The following KRTAP10-1 variants were observed in gnomAD, a reference collection of about 807,000 sequenced individuals.
KRTAP10-1 encodes the protein keratin-associated protein 10-1.
For synonymous variants in KRTAP10-1, 155 were observed against 153.3 expected (o/e 1.01, Z -0.08); for missense variants, 364 against 369.2 (o/e 0.99, Z 0.12).
chr21:44,539,610 G>C lies in KRTAP10-1; in HGVS notation c.541C>G (p.Gln181Glu). ...PACCTSSPCQ[Q>E]ACCVPVRCKP... is the part of the protein sequence containing the mutation. ...CAACGGACGGGCACGCAGCAGGCCT[G>C]CTGGCAGGGGGAGGAGGTGCAGCAA... The change falls in exon 1 of 1, where the codon CAG becomes GAG. Residue 181 changes from glutamine to glutamate, a missense_variant. Gln to Glu is a conservative substitution (Grantham distance 29, BLOSUM62 2). Coordinates refer to ENST00000400375, the MANE Select transcript of KRTAP10-1 (RefSeq NM_198691.3). 6.2e-7 allele frequency: 1 copy of C among 1,613,750 alleles called. No homozygotes were observed. Among genetic ancestry groups the C allele is most frequent in the Admixed American group, 1.7e-5 (1 of 60,000 alleles).
chr21:44,539,152 G>A lies in KRTAP10-1; in HGVS notation c.*150C>T. 1 of 1,357,436 alleles carries A rather than the reference G, an allele frequency of 7.4e-7. No homozygotes were observed. The highest frequency in any genetic ancestry group is 1.5e-5 in the South Asian group (1 of 66,828). The allele number at this position is 1,357,436 out of a possible 1,614,324, so 84.1% of individuals were successfully genotyped here. On this transcript the variant is annotated 3_prime_UTR_variant, in exon 1 of 1. Coordinates refer to ENST00000400375, the MANE Select transcript of KRTAP10-1 (RefSeq NM_198691.3). ...GGAGCTGCAAGGATGGAGGCTCCTG[G>A]GAGCAAGGAGGGGGGGTCACCTCAG...
Position 44,539,154 on chromosome 21 carries a change from AG to A in KRTAP10-1, c.*147del. 1 of 1,362,024 alleles carries A rather than the reference AG, an allele frequency of 7.3e-7. No individual in the cohort carries two copies. 84.4% of individuals were successfully genotyped at this position (1,362,024 alleles called of 1,614,324 possible). On this transcript the variant is annotated 3_prime_UTR_variant, in exon 1 of 1. Transcript: ENST00000400375. ...AGCTGCAAGGATGGAGGCTCCTGGG[AG>A]CAAGGAGGGGGGGTCACCTCAGCAC...
chr21:44,539,858 G>C lies in KRTAP10-1; in HGVS notation c.293C>G (p.Ala98Gly). ...ACCTSSPCQQ[A>G]CCVPVCCKPV... ...CTTGCAGCAGACGGGCACGCAGCAGGCCTGCTGGCAGGGGGAGGAGGTGCA... is the reference window on the plus strand; with the variant it reads ...CTTGCAGCAGACGGGCACGCAGCAGCCCTGCTGGCAGGGGGAGGAGGTGCA... Residue 98 changes from alanine (A) to glycine (G), a missense_variant, in exon 1 of 1, where the codon GCC (alanine) becomes GGC (glycine). Transcript: ENST00000400375. 6.3e-7 allele frequency: 1 copy of C among 1,578,304 alleles called. No individual in the cohort carries two copies. The highest frequency in any genetic ancestry group is 1.1e-5 in the South Asian group (1 of 87,336).
chr21:44,539,765 GGCTGGCAGCTAGACT>G lies in KRTAP10-1; in HGVS notation c.371_385del (p.Gln124_Gln128del). ...GCTGGAGGAAGAGGCACAGCAAGTT[GGCTGGCAGCTAGACT>G]GCTGGCAGCATGAAGAGGAATCCTT... On this transcript the variant is annotated inframe_deletion, in exon 1 of 1. Coordinates refer to ENST00000400375, the MANE Select transcript of KRTAP10-1 (RefSeq NM_198691.3). The G allele has an allele frequency of 1.2e-6, 2 of 1,612,570 alleles. No homozygotes were observed. The highest frequency in any genetic ancestry group is 4.5e-5 in the East Asian group (2 of 44,812).
At position 44,539,347 on chromosome 21, in the gene KRTAP10-1, G is replaced by T; in HGVS notation, c.804C>A (p.Cys268Ter). ...ACGCGGGGCGGCAGAGGAGGGACAC[G>T]CAGGAGGCCGGGCGGCAGCAGCTGG... ...CQASCCRPASCVSLLCRPACS... is the reference protein window; with the variant it reads ...CQASCCRPAS Residue 268 changes from cysteine (C) to a stop codon, truncating the protein, a stop_gained, in exon 1 of 1, where the codon TGC (cysteine) becomes TGA (stop). Coordinates refer to ENST00000400375, the MANE Select transcript of KRTAP10-1 (RefSeq NM_198691.3). LOFTEE classifies it high-confidence loss of function. 2 of 1,612,270 alleles carry T rather than the reference G, an allele frequency of 1.2e-6. No individual in the cohort carries two copies. Among genetic ancestry groups the T allele is most frequent in the Non-Finnish European group, 8.5e-7 (1 of 1,179,098 alleles).
chr21:44,539,399 CAGG>C lies in KRTAP10-1; in HGVS notation c.749_751del (p.Ser250del), dbSNP rs1569173504. Reference sequence around the variant, plus strand: ...CTGGCAGGAGGAGGCAGGGGCACAGCAGGAGGAGACAGGCATACAGCAGGCGGG... The same window carrying C: ...CTGGCAGGAGGAGGCAGGGGCACAGCAGGAGACAGGCATACAGCAGGCGGG... On this transcript the variant is annotated inframe_deletion, in exon 1 of 1. Coordinates refer to ENST00000400375, the MANE Select transcript of KRTAP10-1 (RefSeq NM_198691.3). 3.7e-6 allele frequency: 6 copies of C among 1,601,790 alleles called. No homozygotes were observed. The highest frequency in any genetic ancestry group is 5.1e-6 in the Non-Finnish European group (6 of 1,170,128).
chr21:44,539,408 A>G lies in KRTAP10-1; in HGVS notation c.743T>C (p.Val248Ala), dbSNP rs782496517. ...PVCRPACCMP[V>A]SSCCAPASSC... is the part of the protein sequence containing the mutation. The stretch of plus-strand genomic sequence containing the variant: ...GGAGGCAGGGGCACAGCAGGAGGAG[A>G]CAGGCATACAGCAGGCGGGCCGGCA... Residue 248 changes from valine to alanine, a missense_variant, in exon 1 of 1, where the codon GTC (valine) becomes GCC (alanine). Val to Ala is a moderately conservative substitution (Grantham distance 64, BLOSUM62 0). Coordinates refer to ENST00000400375, the MANE Select transcript of KRTAP10-1 (RefSeq NM_198691.3). The G allele has an allele frequency of 1.9e-6, 3 of 1,602,376 alleles. No individual in the cohort carries two copies. Among genetic ancestry groups the G allele is most frequent in the Non-Finnish European group, 2.6e-6 (3 of 1,170,198 alleles).
chr21:44,539,356 C>CG lies in KRTAP10-1; in HGVS notation c.794dup (p.Ala266GlyfsTer42). The stretch of plus-strand genomic sequence containing the variant: ...GGCAGAGGAGGGACACGCAGGAGGC[C>CG]GGGCGGCAGCAGCTGGCCTGGCAGG... On this transcript the variant is annotated frameshift_variant, in exon 1 of 1. Coordinates refer to ENST00000400375, the MANE Select transcript of KRTAP10-1 (RefSeq NM_198691.3). LOFTEE classifies it high-confidence loss of function. 2 of 1,612,552 alleles carry CG rather than the reference C, an allele frequency of 1.2e-6. No individual in the cohort carries two copies. Among genetic ancestry groups the CG allele is most frequent in the Non-Finnish European group, 1.7e-6 (2 of 1,179,410 alleles).
In KRTAP10-1 at chr21:44,539,258, GC is replaced by G. The variant is rs1601385639; in HGVS notation, c.*43del. 7 of 1,590,740 alleles carry G rather than the reference GC, an allele frequency of 4.4e-6. No homozygotes were observed. In the East Asian group the frequency reaches 8.9e-5, roughly 20 times the overall value. Reference sequence around the variant, plus strand: ...AGGAACTGAGCCCAGCTGGCCCAGGGCGGGTGCCCATCAGCAGCTGGACTCC... The same window carrying G: ...AGGAACTGAGCCCAGCTGGCCCAGGGGGGTGCCCATCAGCAGCTGGACTCC... On this transcript the variant is annotated 3_prime_UTR_variant, in exon 1 of 1. Transcript: ENST00000400375.
At position 44,539,322 on chromosome 21, in the gene KRTAP10-1, A is replaced by T. The variant is rs782677132; in HGVS notation, c.829T>A (p.Cys277Ser). The change falls in exon 1 of 1, where the codon TGC becomes AGC. Residue 277 changes from cysteine to serine, a missense_variant. Physicochemically the swap from Cys to Ser is moderately radical, Grantham distance 112. Transcript: ENST00000400375. The part of the protein sequence containing the change: ...SCVSLLCRPA[C>S]SRPAC ...AGGCCTCAGCAGGCCGGGCGGGAGCACGCGGGGCGGCAGAGGAGGGACACG... is the reference window on the plus strand; with the variant it reads ...AGGCCTCAGCAGGCCGGGCGGGAGCTCGCGGGGCGGCAGAGGAGGGACACG... 7.4e-6 allele frequency: 12 copies of T among 1,611,524 alleles called. No individual in the cohort carries two copies. Among genetic ancestry groups the T allele is most frequent in the African/African-American group, 1.3e-5 (1 of 74,894 alleles).
Position 44,540,169 on chromosome 21 carries a change from T to A in KRTAP10-1, c.-19A>T. On this transcript the variant is annotated 5_prime_UTR_variant, in exon 1 of 1. Coordinates refer to ENST00000400375, the MANE Select transcript of KRTAP10-1 (RefSeq NM_198691.3). The stretch of plus-strand genomic sequence containing the variant: ...CGGCCATGCTGGGGTGGGGAGGAGG[T>A]GAGCTGCGGGAGGTGTGAGTGAGTG... 6.2e-7 allele frequency: 1 copy of A among 1,607,224 alleles called. No homozygotes were observed. The highest frequency in any genetic ancestry group is 8.5e-7 in the Non-Finnish European group (1 of 1,176,924).
In KRTAP10-1 at chr21:44,539,088, T is replaced by C. The variant is rs587717851; in HGVS notation, c.*214A>G. On this transcript the variant is annotated 3_prime_UTR_variant, in exon 1 of 1. Coordinates refer to ENST00000400375, the MANE Select transcript of KRTAP10-1 (RefSeq NM_198691.3). ...AAGCTGGGAGGGAGGACAGGGGACCTAGCAGGCAGGTGGGCACCTGCTGGA... is the reference window on the plus strand; with the variant it reads ...AAGCTGGGAGGGAGGACAGGGGACCCAGCAGGCAGGTGGGCACCTGCTGGA... 151 of 789,514 alleles carry C rather than the reference T, an allele frequency of 1.9e-4. No individual in the cohort carries two copies. Among genetic ancestry groups the C allele is most frequent in the African/African-American group, 1.3e-3 (77 of 57,310 alleles). The allele number at this position is 789,514 out of a possible 1,614,324, so 48.9% of individuals were successfully genotyped here.
Position 44,539,379 on chromosome 21 carries a change from A to G in KRTAP10-1, c.772T>C (p.Cys258Arg), listed in dbSNP as rs782284531. 18 of 1,612,614 alleles carry G rather than the reference A, an allele frequency of 1.1e-5. No individual in the cohort carries two copies. The Admixed American group carries it at 2.7e-4, about 24-fold the overall frequency. The change falls in exon 1 of 1, where the codon TGC becomes CGC. Residue 258 changes from cysteine (C) to arginine (R), a missense_variant. Transcript: ENST00000400375. The stretch of plus-strand genomic sequence containing the variant: ...GCCGGGCGGCAGCAGCTGGCCTGGC[A>G]GGAGGAGGCAGGGGCACAGCAGGAG... ...VSSCCAPASS[C>R]QASCCRPASC...
At position 44,539,378 on chromosome 21, in the gene KRTAP10-1, C is replaced by A. The variant is rs199512891; in HGVS notation, c.773G>T (p.Cys258Phe). The change falls in exon 1 of 1, where the codon TGC becomes TTC. Residue 258 changes from cysteine to phenylalanine, a missense_variant. Cys to Phe is a radical substitution (Grantham distance 205, BLOSUM62 -2). Coordinates refer to ENST00000400375, the MANE Select transcript of KRTAP10-1 (RefSeq NM_198691.3). The stretch of plus-strand genomic sequence containing the variant: ...GGCCGGGCGGCAGCAGCTGGCCTGG[C>A]AGGAGGAGGCAGGGGCACAGCAGGA... ...VSSCCAPASSCQASCCRPASC... is the reference protein window; with the variant it reads ...VSSCCAPASSFQASCCRPASC... 13 of 1,612,722 alleles carry A rather than the reference C, an allele frequency of 8.1e-6. No individual in the cohort carries two copies. Among genetic ancestry groups the A allele is most frequent in the Admixed American group, 6.7e-5 (4 of 59,950 alleles).
Position 44,540,057 on chromosome 21 carries a change from A to AGCAGTGGGGCTC in KRTAP10-1, c.82_93dup (p.Glu28_Cys31dup). The AGCAGTGGGGCTC allele has an allele frequency of 6.2e-7, 1 of 1,613,326 alleles. No individual in the cohort carries two copies. The highest frequency in any genetic ancestry group is 8.5e-7 in the Non-Finnish European group (1 of 1,179,802). Reference sequence around the variant, plus strand: ...GCCGGGGCGCAGCAGCTGAGGGCGCAGCAGTGGGGCTCACAGCAGCTCTCT... The same window carrying AGCAGTGGGGCTC: ...GCCGGGGCGCAGCAGCTGAGGGCGCAGCAGTGGGGCTCGCAGTGGGGCTCACAGCAGCTCTCT... On this transcript the variant is annotated inframe_insertion, in exon 1 of 1. Coordinates refer to ENST00000400375, the MANE Select transcript of KRTAP10-1 (RefSeq NM_198691.3).
chr21:44,539,617 G>T lies in KRTAP10-1; in HGVS notation c.534C>A (p.Pro178=). 2 of 1,613,856 alleles carry T rather than the reference G, an allele frequency of 1.2e-6. No individual in the cohort carries two copies. The highest frequency in any genetic ancestry group is 2.7e-5 in the African/African-American group (2 of 74,942). ...CGGGCACGCAGCAGGCCTGCTGGCA[G>T]GGGGAGGAGGTGCAGCAAGCTGGAT... The part of the protein sequence containing the change: ...SCHPACCTSS[P]CQQACCVPVR... Residue 178 remains proline, a synonymous_variant, in exon 1 of 1, where the codon CCC becomes CCA. Transcript: ENST00000400375.
At position 44,539,572 on chromosome 21, in the gene KRTAP10-1, G is replaced by C. The variant is rs1555916863; in HGVS notation, c.579C>G (p.Cys193Trp). 7 of 1,613,768 alleles carry C rather than the reference G, an allele frequency of 4.3e-6. No homozygotes were observed. The highest frequency in any genetic ancestry group is 5.9e-6 in the Non-Finnish European group (7 of 1,179,898). The change falls in exon 1 of 1, where the codon TGC becomes TGG. Residue 193 changes from cysteine (C) to tryptophan (W), a missense_variant. Transcript: ENST00000400375. ...CCVPVRCKPV[C>W]CKPICCVPVC... Reference sequence around the variant, plus strand: ...CGGGCACACAGCAGATGGGCTTGCAGCAGACAGGCTTGCAACGGACGGGCA... The same window carrying C: ...CGGGCACACAGCAGATGGGCTTGCACCAGACAGGCTTGCAACGGACGGGCA...
rs782296549 is a variant in KRTAP10-1, at chr21:44,540,183, T to C, written c.-33A>G. On this transcript the variant is annotated 5_prime_UTR_variant, in exon 1 of 1. Transcript: ENST00000400375. ...TGGGGAGGAGGTGAGCTGCGGGAGG[T>C]GTGAGTGAGTGAGTGTGGGAGTCAG... 8 of 1,599,632 alleles carry C rather than the reference T, an allele frequency of 5.0e-6. No homozygotes were observed. Among genetic ancestry groups the C allele is most frequent in the East Asian group, 2.2e-5 (1 of 44,786 alleles).
Position 44,539,726 on chromosome 21 carries a change from C to G in KRTAP10-1, c.425G>C (p.Cys142Ser). ...CACAGGCTTGCAGCAAACAGGCACA[C>G]AGCAGGACTGCTGGCTGGAGGAAGA... ...CASSSSQQSC[C>S]VPVCCKPVCY... Residue 142 changes from cysteine (C) to serine (S), a missense_variant, in exon 1 of 1, where the codon TGT becomes TCT. Coordinates refer to ENST00000400375, the MANE Select transcript of KRTAP10-1 (RefSeq NM_198691.3). The G allele has an allele frequency of 1.2e-6, 2 of 1,610,178 alleles. No individual in the cohort carries two copies. The highest frequency in any genetic ancestry group is 1.7e-6 in the Non-Finnish European group (2 of 1,178,318).
Sources: allele counts gnomAD v4.1 joint callset, GRCh38; gene constraint gnomAD v4.1.1; transcripts MANE v1.5; gene names NCBI Gene and HGNC (gene_info 2026-07-23, HGNC 2026-07-21).